PSMD14: variants seen among roughly 807,000 people sequenced by gnomAD.
PSMD14 encodes proteasome 26S subunit, non-ATPase 14, also known as ubiquitin C-terminal hydrolase PSMD14.
Under a neutral mutation model 41.2 loss-of-function variants are expected in PSMD14, and 7 were observed. The observed-to-expected ratio is 0.17, with a 90% CI of 0.10 to 0.32. The LOEUF is 0.32. Among genes scored for constraint, PSMD14 ranks in the 10% least tolerant of loss-of-function variants. The probability of loss-of-function intolerance (pLI) is 1.00; values close to 1 mark genes in which losing one functional copy is unlikely to be tolerated. For missense variants in PSMD14, 139 were observed against 375.6 expected, an observed-to-expected ratio of 0.37 and a Z score of 5.21; for synonymous variants, 114 against 122.3, an observed-to-expected ratio of 0.93 and a Z score of 0.45.
At chr2:161,328,424 A>G (rs999077260) in intron 3 of PSMD14, among the ~76,000 whole-genome samples, 2 of 152,142 alleles carry the variant, frequency 1.3e-5, no homozygotes, top group African/African-American at 4.8e-5. Context: ...TAAAAAACAT[A>G]AAGTAACACC....
chr2:161,409,962 A>G (rs1337489157), intron 11 of PSMD14, among the ~76,000 whole-genome samples: 2 of 152,066 alleles, frequency 1.3e-5, no homozygotes, highest in African/African-American at 4.8e-5. Flanking sequence ...TATAGAATTC[A>G]GTAACTGTTT....
intron 3 of PSMD14, among the ~76,000 whole-genome samples, chr2:161,359,720 T>C (rs1186196856): frequency 1.3e-5 from 2 of 152,150 alleles, no homozygotes; most frequent in East Asian, 3.8e-4. Context: ...TAATAGGAAA[T>C]GGCTCCAGGT....
At chr2:161,354,234 G>A (rs1683161094) in intron 3 of PSMD14, among the ~76,000 whole-genome samples, 2 of 152,046 alleles carry the variant, frequency 1.3e-5, no homozygotes, top group South Asian at 4.1e-4. Flanking sequence ...ATGATGCTGT[G>A]TGTATGTGTG....
At chr2:161,407,648 A>G (rs1009915436) in intron 10 of PSMD14, 1 of 152,112 alleles carries the variant, frequency 6.6e-6, no homozygotes, top group African/African-American at 2.4e-5. Flanking sequence ...CATTTCCTAC[A>G]TGTTCATTGT....
intron 3 of PSMD14, among the ~76,000 whole-genome samples, chr2:161,327,946 C>CTGTGTGTGTGTGTGTGTGTGTG (rs369674882): frequency 0.011 from 1,245 of 117,028 alleles, 46 homozygotes; most frequent in East Asian, 0.029. Context: ...CTCATGTAAG[C>CTGTGTGTGTGTGTGTGTGTGTG]TGTGTGTGTG....
chr2:161,390,894 C>T (rs1244122521), intron 8 of PSMD14, among the ~76,000 whole-genome samples: 1 of 152,144 alleles, frequency 6.6e-6, no homozygotes, highest in Non-Finnish European at 1.5e-5. Context: ...CCATATCATG[C>T]TTTGAAGAAT....
intron 4 of PSMD14, 61 bp from the exon 5 acceptor site, chr2:161,367,723 A>G: frequency 3.2e-6 from 5 of 1,557,626 alleles, no homozygotes; most frequent in South Asian, 1.2e-5. Flanking sequence ...TTTGTTTTAT[A>G]AAGAAGAACC....
At chr2:161,350,402 A>T (rs1303890990) in intron 3 of PSMD14, among the ~76,000 whole-genome samples, 1 of 152,246 alleles carries the variant, frequency 6.6e-6, no homozygotes, top group Non-Finnish European at 1.5e-5. Flanking sequence ...AGTAATTTAT[A>T]CCAAGAAGGA....
chr2:161,342,075 T>C (rs1682972027), intron 3 of PSMD14, among the ~76,000 whole-genome samples: 1 of 152,094 alleles, frequency 6.6e-6, no homozygotes, highest in African/African-American at 2.4e-5. Flanking sequence ...TAACAAAATA[T>C]GTTTTGCATG....
intron 3 of PSMD14, among the ~76,000 whole-genome samples, chr2:161,355,632 T>G (rs1162888471): frequency 6.6e-6 from 1 of 152,160 alleles, no homozygotes; most frequent in Non-Finnish European, 1.5e-5. Flanking sequence ...AATTTGGACT[T>G]TTTTGGCAAC....
At chr2:161,353,738 G>C (rs943044277) in intron 3 of PSMD14, among the ~76,000 whole-genome samples, 2 of 152,040 alleles carry the variant, frequency 1.3e-5, no homozygotes, top group African/African-American at 4.8e-5. Context: ...CTTCTACTTT[G>C]TAAACATTTT....
intron 3 of PSMD14, among the ~76,000 whole-genome samples, chr2:161,347,711 A>G (rs1683063647): frequency 6.6e-6 from 1 of 152,244 alleles, no homozygotes; most frequent in Non-Finnish European, 1.5e-5. Flanking sequence ...AGCACAAATA[A>G]TAAAGGGACG....
chr2:161,363,704 A>T (rs772146373), intron 3 of PSMD14, among the ~76,000 whole-genome samples: 3 of 152,178 alleles, frequency 2.0e-5, no homozygotes, highest in Non-Finnish European at 4.4e-5. Flanking sequence ...TGTAGCTGTG[A>T]AATGGGAAAA....
intron 3 of PSMD14, among the ~76,000 whole-genome samples, chr2:161,357,896 TC>T: frequency 8.8e-6 from 1 of 113,624 alleles, no homozygotes; most frequent in South Asian, 2.9e-4. Context: ...ATCAATGACT[TC>T]CTGTTCTTTT....
chr2:161,359,039 G>T lies in PSMD14; in HGVS notation c.49-8439G>T, dbSNP rs551456520. Among the ~76,000 whole-genome samples, 318 of 152,268 alleles carry T rather than the reference G, an allele frequency of 2.1e-3. 1 individual carries two copies. Among genetic ancestry groups the T allele is most frequent in the Non-Finnish European group, 3.7e-3 (255 of 68,022 alleles). On this transcript the variant is annotated intron_variant, in intron 3 of 11. Transcript: ENST00000409682. ...TGGAATGTGCAGTGACACAATCACA[G>T]CTCACTACAGCCCCAGCCTCCTGAG...
intron 8 of PSMD14, among the ~76,000 whole-genome samples, chr2:161,389,886 G>GTTGTTGTTTT (rs1330059094): frequency 3.3e-4 from 5 of 14,936 alleles, no homozygotes; most frequent in East Asian, 4.4e-3. Context: ...TTTCTTTTTT[G>GTTGTTGTTTT]TTGTTTTTTT....
rs529975515 is a variant in PSMD14, at chr2:161,343,326, A to G, written c.49-24152A>G. On this transcript the variant is annotated intron_variant, in intron 3 of 11. Transcript: ENST00000409682. ...TATATGGAATCATTCAATATTTGTCATTTTGTGACTGGCCTAGCATAATGT... is the reference window on the plus strand; with the variant it reads ...TATATGGAATCATTCAATATTTGTCGTTTTGTGACTGGCCTAGCATAATGT... Among the ~76,000 whole-genome samples, 5 of 152,296 alleles carry G rather than the reference A, an allele frequency of 3.3e-5. No homozygotes were observed. The South Asian group carries it at 1.0e-3, about 32-fold the overall frequency.
chr2:161,354,474 T>C (rs914953447), intron 3 of PSMD14, among the ~76,000 whole-genome samples: 3 of 144,434 alleles, frequency 2.1e-5, no homozygotes, highest in Non-Finnish European at 4.5e-5. Flanking sequence ...ATGATGTTTT[T>C]TTATAACAAA....
At chr2:161,309,086 C>T (rs1260863462) in intron 1 of PSMD14, among the ~76,000 whole-genome samples, 1 of 152,158 alleles carries the variant, frequency 6.6e-6, no homozygotes, top group Non-Finnish European at 1.5e-5. Context: ...AACAAAAGTC[C>T]TGCAGATACA....
Sources: gnomAD v4.1 joint callset for allele counts (sites outside exome capture counted in the v4.1 genomes callset) on GRCh38, gnomAD v4.1.1 for gene constraint, MANE v1.5 for transcripts, NCBI Gene and HGNC (gene_info 2026-07-23, HGNC 2026-07-21) for gene names.